SLC9C1: variants seen among roughly 807,000 people sequenced by gnomAD.
The protein encoded by SLC9C1 is solute carrier family 9 member C1, also known as sodium/hydrogen exchanger 10.
Under a neutral mutation model 140.9 loss-of-function variants are expected in SLC9C1, and 97 were observed. That is an observed-to-expected ratio of 0.69 (90% CI 0.58 to 0.82). The LOEUF is 0.82. Among genes scored for constraint, SLC9C1 ranks in the 40% least tolerant of loss-of-function variants. The pLI is 0.00. For synonymous variants in SLC9C1, 440 were observed against 442.6 expected (o/e 0.99, Z 0.07); for missense variants, 1,340 against 1,389.3 (o/e 0.96, Z 0.56).
intron 10 of SLC9C1, among the ~76,000 whole-genome samples, chr3:112,262,488 A>G (rs1032748271): frequency 3.3e-5 from 5 of 151,878 alleles, no homozygotes; most frequent in Admixed American, 2.0e-4. Flanking sequence ...AAGGAGAGTT[A>G]TGCCCTGTAT....
intron 16 of SLC9C1, among the ~76,000 whole-genome samples, chr3:112,204,837 G>A (rs4438628): frequency 0.3 from 44,968 of 151,808 alleles, 7,216 homozygotes; most frequent in East Asian, 0.43. Context: ...AACAAAATTA[G>A]TTTATGTTTG....
At chr3:112,185,315 T>G (rs2077512135) in intron 20 of SLC9C1, among the ~76,000 whole-genome samples, 1 of 148,188 alleles carries the variant, frequency 6.7e-6, no homozygotes, top group Non-Finnish European at 1.5e-5. Flanking sequence ...AATCCTTAGG[T>G]CAGGGCTTCT....
rs368551844 is a variant in SLC9C1 at position 112,240,509 on chromosome 3, G to A, written c.1280-503C>T. 5.9e-5 allele frequency among the ~76,000 whole-genome samples: 9 copies of A among 152,192 alleles called. No individual in the cohort carries two copies. The South Asian group carries it at 1.0e-3, about 18-fold the overall frequency. On this transcript the variant is annotated intron_variant, in intron 11 of 28. Transcript: ENST00000305815. The stretch of plus-strand genomic sequence containing the variant: ...TACATTGTCTTTCCCAATGTGGGTG[G>A]GCCTCATCCAATCTGTTGGAGGCCT...
At chr3:112,184,960 T>A (rs989505862) in intron 20 of SLC9C1, among the ~76,000 whole-genome samples, 1 of 151,892 alleles carries the variant, frequency 6.6e-6, no homozygotes, top group Admixed American at 6.5e-5. Flanking sequence ...ACAGAGCACA[T>A]TAGAAAGGGG....
At position 112,239,937 on chromosome 3, in the gene SLC9C1, G is replaced by A. The variant is rs752411257; in HGVS notation, c.1349C>T (p.Thr450Ile). ...TTTAAGGGCAGAGGCTGCAGACTTG[G>A]TTAGCTCTTGAAAGTGTTGAAATGT... is the stretch of plus-strand genomic sequence containing the variant. ...CCTFQHFQEL[T>I]KSAASALKFD... The change falls in exon 12 of 29, where the codon ACC becomes ATC. Residue 450 changes from threonine (T) to isoleucine (I), a missense_variant. By Grantham distance (89) the Thr-to-Ile change is moderately conservative (BLOSUM62 -1). Coordinates refer to ENST00000305815, the MANE Select transcript of SLC9C1 (RefSeq NM_183061.3). 3.1e-6 allele frequency: 5 copies of A among 1,613,842 alleles called. No homozygotes were observed. The East Asian group carries it at 1.1e-4, about 36-fold the overall frequency.
At chr3:112,227,752 T>C (rs2078720070) in intron 13 of SLC9C1, among the ~76,000 whole-genome samples, 1 of 152,038 alleles carries the variant, frequency 6.6e-6, no homozygotes, top group South Asian at 2.1e-4. Flanking sequence ...CAAACAAAAT[T>C]AGTAGCATTT....
chr3:112,290,680 G>C (rs1221951936), intron 1 of SLC9C1, among the ~76,000 whole-genome samples: 1 of 152,184 alleles, frequency 6.6e-6, no homozygotes, highest in East Asian at 1.9e-4. Context: ...TATTATGTGG[G>C]AGTGTCAGTC....
At chr3:112,208,027 A>T (rs2078103476) in intron 16 of SLC9C1, 151 bp downstream of exon 16, 1 of 548,764 alleles carries the variant, frequency 1.8e-6, no homozygotes, top group African/African-American at 1.9e-5. Flanking sequence ...TTACTATAAA[A>T]ATCACCTTCA....
chr3:112,144,718 G>A (rs2074734684), intron 28 of SLC9C1, among the ~76,000 whole-genome samples: 4 of 151,990 alleles, frequency 2.6e-5, no homozygotes, highest in Admixed American at 2.6e-4. Context: ...ATTGTAAATG[G>A]GAGTGTGTTC....
chr3:112,252,049 T>C (rs907614705), intron 10 of SLC9C1, among the ~76,000 whole-genome samples: 1 of 152,170 alleles, frequency 6.6e-6, no homozygotes, highest in Non-Finnish European at 1.5e-5. Context: ...TGTCAGACTG[T>C]AGACTGGGCT....
chr3:112,288,866 C>G (rs2080597201), intron 1 of SLC9C1, among the ~76,000 whole-genome samples: 1 of 152,004 alleles, frequency 6.6e-6, no homozygotes, highest in Admixed American at 6.5e-5. Context: ...ACACCACTGG[C>G]CTCAGTTTTC....
chr3:112,262,902 A>T, intron 10 of SLC9C1, 22 bp downstream of exon 10: 1 of 1,538,188 alleles, frequency 6.5e-7, no homozygotes, highest in Non-Finnish European at 8.7e-7. Context: ...ATATTCAGAT[A>T]AGAAAATACA....
intron 10 of SLC9C1, 121 bp from the exon 11 acceptor site, chr3:112,244,197 T>C (rs2079215003): frequency 1.9e-6 from 1 of 514,570 alleles, no homozygotes; most frequent in African/African-American, 2.0e-5. Context: ...ACTGTGTTAA[T>C]AGATGCTCAT....
chr3:112,275,721 G>GCA (rs1051405328), intron 5 of SLC9C1, among the ~76,000 whole-genome samples: 6 of 152,114 alleles, frequency 3.9e-5, no homozygotes, highest in African/African-American at 1.4e-4. Flanking sequence ...CTCTATAACT[G>GCA]CAATCACAAC....
intron 15 of SLC9C1, among the ~76,000 whole-genome samples, chr3:112,213,968 C>A (rs1296800074): frequency 2.6e-5 from 4 of 152,174 alleles, no homozygotes; most frequent in Admixed American, 6.5e-5. Context: ...GTAAAGCACT[C>A]CTCAGCAAAT....
chr3:112,182,890 T>C (rs1467900712), intron 20 of SLC9C1, among the ~76,000 whole-genome samples: 1 of 152,250 alleles, frequency 6.6e-6, no homozygotes, highest in Non-Finnish European at 1.5e-5. Flanking sequence ...TTTCATTTGC[T>C]CAACATTTTG....
Position 112,193,325 on chromosome 3 carries a change from A to C in SLC9C1, c.2523+5996T>G, listed in dbSNP as rs910966008. ...GCATGCGACTATTTAGCTGGCTTGG[A>C]GGCAGGTCTGCCTAGGATTGGATGG... On this transcript the variant is annotated intron_variant, in intron 20 of 28. Transcript: ENST00000305815. 1.4e-4 allele frequency among the ~76,000 whole-genome samples: 21 copies of C among 152,084 alleles called. 1 individual carries two copies. The highest frequency in any genetic ancestry group is 5.1e-4 in the African/African-American group (21 of 41,410).
chr3:112,157,958 T>G (rs1321062985), intron 26 of SLC9C1, among the ~76,000 whole-genome samples: 1 of 152,022 alleles, frequency 6.6e-6, no homozygotes, highest in African/African-American at 2.4e-5. Context: ...TTATGTCATC[T>G]GCAAACGAGA....
intron 20 of SLC9C1, among the ~76,000 whole-genome samples, chr3:112,192,238 A>G (rs1044384329): frequency 3.9e-5 from 6 of 152,098 alleles, no homozygotes; most frequent in African/African-American, 1.4e-4. Flanking sequence ...CTGAAACTCT[A>G]TACCCATTAA....
Sources: gnomAD v4.1 joint callset for allele counts (sites outside exome capture counted in the v4.1 genomes callset) on GRCh38, gnomAD v4.1.1 for gene constraint, MANE v1.5 for transcripts, NCBI Gene and HGNC (gene_info 2026-07-23, HGNC 2026-07-21) for gene names.